Variants in LIFR observed in about 807,000 individuals in gnomAD.
LIFR encodes the protein leukemia inhibitory factor receptor.
LIFR carries 84 observed loss-of-function variants against 122.2 expected under a neutral mutation model. That is an observed-to-expected ratio of 0.69 (90% CI 0.58 to 0.82). The LOEUF (loss-of-function observed/expected upper bound fraction) is 0.82. Among genes scored for constraint, LIFR ranks in the 40% least tolerant of loss-of-function variants. The pLI is 0.00. For missense variants in LIFR, 1,294 were observed against 1,311.6 expected (o/e 0.99, Z 0.21); for synonymous variants, 422 against 434.7 (o/e 0.97, Z 0.36).
At chr5:38,494,608 T>C (rs188228115) in intron 13 of LIFR, among the ~76,000 whole-genome samples, 238 of 152,228 alleles carry the variant, frequency 1.6e-3, no homozygotes, top group African/African-American at 5.3e-3. Flanking sequence ...TAGGGCAGTG[T>C]GGTCAAAAGG....
upstream of LIFR, chr5:38,558,406 G>A (rs541566667): frequency 3.3e-5 from 5 of 152,022 alleles, no homozygotes; most frequent in Non-Finnish European, 7.4e-5. Flanking sequence ...AGTGATAATG[G>A]CTAACATCCA....
At chr5:38,486,845 G>A (rs1036919633) in intron 16 of LIFR, among the ~76,000 whole-genome samples, 1 of 152,064 alleles carries the variant, frequency 6.6e-6, no homozygotes, top group African/African-American at 2.4e-5. Flanking sequence ...TAGAAACATC[G>A]GAACTTTTGA....
intron 1 of LIFR, among the ~76,000 whole-genome samples, chr5:38,577,220 A>G (rs575909809): frequency 2.6e-5 from 4 of 152,268 alleles, no homozygotes; most frequent in Admixed American, 6.5e-5. Context: ...GAAGCTAACA[A>G]TGGAGGAGGA....
chr5:38,526,918 G>T (rs1746718989), intron 4 of LIFR, among the ~76,000 whole-genome samples: 1 of 152,162 alleles, frequency 6.6e-6, no homozygotes, highest in Non-Finnish European at 1.5e-5. Context: ...AGTCAAGGGG[G>T]CTAAAGAAAG....
intron 4 of LIFR, among the ~76,000 whole-genome samples, chr5:38,525,439 A>G (rs940913756): frequency 3.9e-5 from 6 of 152,222 alleles, no homozygotes; most frequent in Admixed American, 3.3e-4. Context: ...TGAATATGCT[A>G]AATAACAAAA....
chr5:38,591,415 A>G (rs1387704288), intron 1 of LIFR, among the ~76,000 whole-genome samples: 1 of 152,228 alleles, frequency 6.6e-6, no homozygotes, highest in Admixed American at 6.5e-5. Flanking sequence ...GACACCAGGC[A>G]TTTAACTGAC....
In LIFR at chr5:38,485,875, T is replaced by TA; in HGVS notation, c.2440dup (p.Tyr814LeufsTer53). 6.2e-7 allele frequency: 1 copy of TA among 1,614,206 alleles called. No individual in the cohort carries two copies. Among genetic ancestry groups the TA allele is most frequent in the Non-Finnish European group, 8.5e-7 (1 of 1,180,014 alleles). On this transcript the variant is annotated frameshift_variant, in exon 17 of 20. Transcript: ENST00000453190. LOFTEE classifies it high-confidence loss of function. ...CTCCGGGCCCACTCCACCATCTGTA[T>TA]AGGCTCGCAAGACCAGGTGGTAACT...
chr5:38,505,167 TAA>T (rs11331981), intron 9 of LIFR, among the ~76,000 whole-genome samples: 25 of 150,052 alleles, frequency 1.7e-4, no homozygotes, highest in African/African-American at 5.4e-4. Context: ...AGGACATCCT[TAA>T]AAAAAAAAAT....
intron 1 of LIFR, among the ~76,000 whole-genome samples, chr5:38,550,860 T>C (rs1218994170): frequency 6.6e-6 from 1 of 152,222 alleles, no homozygotes; most frequent in Non-Finnish European, 1.5e-5. Context: ...TGGGTCTAAG[T>C]TTCTTTATCT....
At chr5:38,570,499 T>C (rs1749174852) in intron 1 of LIFR, among the ~76,000 whole-genome samples, 1 of 152,174 alleles carries the variant, frequency 6.6e-6, no homozygotes, top group South Asian at 2.1e-4. Flanking sequence ...ATTCTGTGCT[T>C]TCCTGAGGCT....
intron 1 of LIFR, among the ~76,000 whole-genome samples, chr5:38,582,769 C>T (rs149748295): frequency 1.3e-5 from 2 of 152,294 alleles, no homozygotes; most frequent in Non-Finnish European, 2.9e-5. Flanking sequence ...GTCTTAGTTT[C>T]GGTTCTCATC....
At chr5:38,556,164 C>T (rs1481381506) in intron 1 of LIFR, among the ~76,000 whole-genome samples, 170 bp downstream of exon 1, 1 of 152,088 alleles carries the variant, frequency 6.6e-6, no homozygotes, top group Non-Finnish European at 1.5e-5. Context: ...GACCCAAGGG[C>T]GCGCGGAGAG....
At chr5:38,550,333 C>T (rs1748135916) in intron 1 of LIFR, 1 of 542,424 alleles carries the variant, frequency 1.8e-6, no homozygotes, top group Non-Finnish European at 2.4e-6. Context: ...ACAATAAATG[C>T]TAGATTTTAA....
At chr5:38,565,758 T>C (rs576312005) in intron 1 of LIFR, among the ~76,000 whole-genome samples, 1 of 152,266 alleles carries the variant, frequency 6.6e-6, no homozygotes, top group South Asian at 2.1e-4. Flanking sequence ...TGGCTAATTT[T>C]GTATTTTTAG....
intron 5 of LIFR, among the ~76,000 whole-genome samples, chr5:38,520,554 GT>G (rs1455591175): frequency 3.9e-5 from 6 of 151,958 alleles, no homozygotes; most frequent in Non-Finnish European, 8.8e-5. Flanking sequence ...TTTTCCCCAT[GT>G]TTTATAGTTT....
At chr5:38,573,971 C>T (rs1749299241) in intron 1 of LIFR, among the ~76,000 whole-genome samples, 1 of 151,930 alleles carries the variant, frequency 6.6e-6, no homozygotes, top group Admixed American at 6.6e-5. Context: ...AAAAATTAGT[C>T]GAGCATGGTG....
chr5:38,500,446 T>G (rs1339416893), intron 11 of LIFR, among the ~76,000 whole-genome samples: 1 of 152,228 alleles, frequency 6.6e-6, no homozygotes, highest in East Asian at 1.9e-4. Flanking sequence ...ATAAAATTCA[T>G]TTATGTTTCA....
At chr5:38,601,464 C>A (rs1367057243) in intron 2 of LIFR, among the ~76,000 whole-genome samples, 1 of 152,210 alleles carries the variant, frequency 6.6e-6, no homozygotes. Flanking sequence ...GAAAGAGATG[C>A]CAGGTGCAGG....
At chr5:38,585,700 G>A (rs1749723928) in intron 1 of LIFR, among the ~76,000 whole-genome samples, 1 of 152,046 alleles carries the variant, frequency 6.6e-6, no homozygotes. Flanking sequence ...ATGAACCATT[G>A]TAAATGGTAA....
Sources: gnomAD v4.1 joint callset for allele counts (sites outside exome capture counted in the v4.1 genomes callset) on GRCh38, gnomAD v4.1.1 for gene constraint, MANE v1.5 for transcripts, NCBI Gene and HGNC (gene_info 2026-07-23, HGNC 2026-07-21) for gene names.